SCFD2: variants seen among roughly 807,000 people sequenced by gnomAD.
SCFD2 encodes sec1 family domain-containing protein 2.
In SCFD2, 54 loss-of-function variants were observed where a neutral mutation model predicts 58.9. That is an observed-to-expected ratio of 0.92 (90% confidence interval 0.74 to 1.15). The LOEUF is 1.15. SCFD2 is among the 50% of genes most tolerant of loss of function. The probability of loss-of-function intolerance (pLI) is 0.00; values close to 1 mark genes in which losing one functional copy is unlikely to be tolerated. For missense variants in SCFD2, 805 were observed against 836.6 expected, an observed-to-expected ratio of 0.96 and a Z score of 0.47; for synonymous variants, 321 against 335.9, an observed-to-expected ratio of 0.96 and a Z score of 0.49.
intron 5 of SCFD2, among the ~76,000 whole-genome samples, chr4:53,111,873 T>C (rs1222487812): frequency 6.6e-6 from 1 of 152,110 alleles, no homozygotes; most frequent in African/African-American, 2.4e-5. Context: ...AGTAACTGCA[T>C]GCTTGGCACC....
At chr4:52,878,956 G>A (rs1411022146) in intron 8 of SCFD2, among the ~76,000 whole-genome samples, 1 of 152,074 alleles carries the variant, frequency 6.6e-6, no homozygotes, top group African/African-American at 2.4e-5. Flanking sequence ...CAGGGTCCCT[G>A]CCATCTCTTC....
chr4:53,133,679 C>T (rs1725859042), intron 5 of SCFD2, among the ~76,000 whole-genome samples: 1 of 152,162 alleles, frequency 6.6e-6, no homozygotes. Context: ...AGAATACATA[C>T]ATGGTTTCCT....
intron 2 of SCFD2, among the ~76,000 whole-genome samples, chr4:53,334,117 A>T (rs1733595330): frequency 2.0e-5 from 3 of 152,132 alleles, no homozygotes; most frequent in Non-Finnish European, 4.4e-5. Flanking sequence ...GCTGGAGAGG[A>T]TGTGGAGAAA....
chr4:53,031,183 G>A (rs1722607372), intron 5 of SCFD2, among the ~76,000 whole-genome samples: 1 of 152,118 alleles, frequency 6.6e-6, no homozygotes. Context: ...ACTGGCAGCA[G>A]AAGGGCTTGT....
At chr4:53,194,177 C>T (rs1012183283) in intron 4 of SCFD2, among the ~76,000 whole-genome samples, 3 of 152,102 alleles carry the variant, frequency 2.0e-5, no homozygotes, top group African/African-American at 4.8e-5. Flanking sequence ...ATTTAAAATA[C>T]TATAGTTACA....
intron 4 of SCFD2, among the ~76,000 whole-genome samples, chr4:53,187,276 T>G (rs1440386075): frequency 1.3e-5 from 2 of 152,094 alleles, no homozygotes; most frequent in African/African-American, 2.4e-5. Context: ...ATATTGACAA[T>G]GCTGTGAAGC....
chr4:53,340,474 G>T (rs1261271325), intron 2 of SCFD2, among the ~76,000 whole-genome samples: 1 of 152,210 alleles, frequency 6.6e-6, no homozygotes, highest in Non-Finnish European at 1.5e-5. Context: ...AGCTAGAACT[G>T]GGTGGAGCCC....
intron 1 of SCFD2, among the ~76,000 whole-genome samples, chr4:53,354,042 C>A (rs974173760): frequency 2.0e-5 from 3 of 152,260 alleles, no homozygotes; most frequent in Non-Finnish European, 2.9e-5. Flanking sequence ...CGCGCCAGGG[C>A]TGCAGCTGGA....
intron 7 of SCFD2, among the ~76,000 whole-genome samples, chr4:52,899,051 G>A (rs571660371): frequency 2.0e-5 from 3 of 152,270 alleles, no homozygotes; most frequent in East Asian, 3.9e-4. Flanking sequence ...GTCTCTGCAT[G>A]TGAGATGGGT....
intron 4 of SCFD2, among the ~76,000 whole-genome samples, chr4:53,260,708 T>C (rs544429218): frequency 6.6e-6 from 1 of 152,280 alleles, no homozygotes; most frequent in South Asian, 2.1e-4. Flanking sequence ...TTATGTCTTT[T>C]CCTGATTTTG....
intron 5 of SCFD2, among the ~76,000 whole-genome samples, chr4:53,108,525 T>C (rs1413052507): frequency 6.6e-6 from 1 of 151,440 alleles, no homozygotes; most frequent in African/African-American, 2.4e-5. Flanking sequence ...ATAAAAATGA[T>C]AAAGGGAATA....
chr4:52,987,830 G>A (rs989952149), intron 5 of SCFD2, among the ~76,000 whole-genome samples: 5 of 152,068 alleles, frequency 3.3e-5, no homozygotes, highest in African/African-American at 9.7e-5. Flanking sequence ...ATAAAACGCC[G>A]CAATGCAATT....
intron 5 of SCFD2, among the ~76,000 whole-genome samples, chr4:53,056,981 G>A (rs1007150890): frequency 1.3e-5 from 2 of 152,080 alleles, no homozygotes; most frequent in Admixed American, 6.6e-5. Flanking sequence ...TCAGGAGTTG[G>A]AAACTAGCCT....
At chr4:53,311,659 C>CGGT (rs1732695121) in intron 3 of SCFD2, among the ~76,000 whole-genome samples, 2 of 148,458 alleles carry the variant, frequency 1.3e-5, no homozygotes, top group Non-Finnish European at 3.0e-5. Flanking sequence ...TTTTTTTAAA[C>CGGT]GGTGTCTCAC....
chr4:52,878,941 C>T (rs1416814160), intron 8 of SCFD2, among the ~76,000 whole-genome samples: 1 of 152,188 alleles, frequency 6.6e-6, no homozygotes, highest in African/African-American at 2.4e-5. Flanking sequence ...TCCCTTTCCC[C>T]TTTTCAGGGT....
chr4:53,303,990 A>G (rs1267870890), intron 3 of SCFD2, among the ~76,000 whole-genome samples: 1 of 150,886 alleles, frequency 6.6e-6, no homozygotes, highest in Non-Finnish European at 1.5e-5. Flanking sequence ...ATTAGGAGAT[A>G]TATCTAATGC....
intron 4 of SCFD2, among the ~76,000 whole-genome samples, chr4:53,190,257 T>C (rs988353888): frequency 2.0e-5 from 3 of 152,100 alleles, no homozygotes; most frequent in East Asian, 3.9e-4. Flanking sequence ...AACTGTAGCA[T>C]AGACAGATGT....
intron 5 of SCFD2, among the ~76,000 whole-genome samples, chr4:53,087,013 GCTGGAAAAGTATGA>G (rs1724326000): frequency 6.6e-6 from 1 of 152,118 alleles, no homozygotes; most frequent in Non-Finnish European, 1.5e-5. Context: ...AATTTAGATA[GCTGGAAAAGTATGA>G]CTGGATTGTT....
intron 8 of SCFD2, among the ~76,000 whole-genome samples, chr4:52,879,537 G>A (rs1043077476): frequency 2.6e-5 from 4 of 152,068 alleles, no homozygotes; most frequent in Non-Finnish European, 5.9e-5. Flanking sequence ...AAAATATATC[G>A]ACTGACTGTG....
Sources: allele counts gnomAD v4.1 joint callset (sites outside exome capture counted in the v4.1 genomes callset), GRCh38; gene constraint gnomAD v4.1.1; transcripts MANE v1.5; gene names NCBI Gene and HGNC (gene_info 2026-07-23, HGNC 2026-07-21).